Variants in FBXL5 observed in about 807,000 individuals in gnomAD.
The protein encoded by FBXL5 is F-box/LRR-repeat protein 5.
Under a neutral mutation model 78.3 loss-of-function variants are expected in FBXL5, and 26 were observed. The observed-to-expected ratio is 0.33, with a 90% CI of 0.24 to 0.46. FBXL5 has a LOEUF of 0.46. Among genes scored for constraint, FBXL5 ranks in the 20% least tolerant of loss-of-function variants. The probability of loss-of-function intolerance (pLI) is 1.00; values close to 1 mark genes in which losing one functional copy is unlikely to be tolerated. For synonymous variants in FBXL5, 295 were observed against 282.5 expected, an observed-to-expected ratio of 1.04 and a Z score of -0.45; for missense variants, 710 against 829.2, an observed-to-expected ratio of 0.86 and a Z score of 1.77.
intron 1 of FBXL5, among the ~76,000 whole-genome samples, chr4:15,651,305 G>GA (rs755891043): frequency 2.0e-4 from 31 of 151,932 alleles, no homozygotes; most frequent in Middle Eastern, 6.8e-3. Context: ...TTCCGAAGGG[G>GA]AAAAAAAATC....
chr4:15,634,334 A>G (rs1714004081), intron 5 of FBXL5, among the ~76,000 whole-genome samples: 1 of 151,328 alleles, frequency 6.6e-6, no homozygotes, highest in Non-Finnish European at 1.5e-5. Context: ...GATTACAGGC[A>G]TGTGCCACCA....
Position 15,604,491 on chromosome 4 carries a change from A to C in FBXL5, c.*1232T>G, listed in dbSNP as rs571653978. The C allele has an allele frequency of 2.6e-4, 39 of 152,212 alleles. No individual in the cohort carries two copies. The highest frequency in any genetic ancestry group is 3.4e-3 in the Middle Eastern group (1 of 294). 9.4% of individuals were successfully genotyped at this position (152,212 alleles called of 1,614,324 possible). On this transcript the variant is annotated 3_prime_UTR_variant, in exon 11 of 11. Coordinates refer to ENST00000341285, the MANE Select transcript of FBXL5 (RefSeq NM_012161.4). ...AGATCACCACAACAGATTTAATAAT[A>C]GTGAAAAACTATGAAATACTCCAAG... is the stretch of plus-strand genomic sequence containing the variant.
chr4:15,676,291 T>C (rs1184036684), intron 1 of FBXL5, among the ~76,000 whole-genome samples: 1 of 152,202 alleles, frequency 6.6e-6, no homozygotes, highest in Non-Finnish European at 1.5e-5. Flanking sequence ...AACCTGAACC[T>C]AATCAAGCAT....
chr4:15,647,119 A>T (rs1715441905), intron 1 of FBXL5, among the ~76,000 whole-genome samples: 1 of 147,204 alleles, frequency 6.8e-6, no homozygotes, highest in South Asian at 2.2e-4. Context: ...GCTACTCGGG[A>T]GGCTGAGACA....
intron 1 of FBXL5, among the ~76,000 whole-genome samples, chr4:15,647,917 G>A (rs1054468971): frequency 2.6e-5 from 4 of 151,482 alleles, no homozygotes; most frequent in Admixed American, 2.0e-4. Flanking sequence ...GCAGTGGCAT[G>A]ATCATAGCTC....
chr4:15,643,802 T>TG (rs1353078354), intron 2 of FBXL5, among the ~76,000 whole-genome samples: 1 of 152,244 alleles, frequency 6.6e-6, no homozygotes, highest in Admixed American at 6.5e-5. Context: ...CACCATTAAC[T>TG]GGATAGCTTT....
At chr4:15,665,160 G>A (rs967012355) in intron 1 of FBXL5, among the ~76,000 whole-genome samples, 11 of 152,118 alleles carry the variant, frequency 7.2e-5, no homozygotes, top group African/African-American at 2.7e-4. Flanking sequence ...TAGCCATTAT[G>A]AGCTTAGCTG....
At chr4:15,614,318 G>A (rs1711558388) in intron 9 of FBXL5, among the ~76,000 whole-genome samples, 1 of 152,224 alleles carries the variant, frequency 6.6e-6, no homozygotes. Context: ...ATGGGTACCA[G>A]CACCTGCTCC....
At chr4:15,643,760 T>C (rs192014033) in intron 2 of FBXL5, among the ~76,000 whole-genome samples, 120 of 152,350 alleles carry the variant, frequency 7.9e-4, no homozygotes, top group African/African-American at 2.8e-3. Flanking sequence ...TTAAAGTGTT[T>C]ATTCATTCTA....
chr4:15,614,950 G>A (rs542890265), intron 9 of FBXL5, among the ~76,000 whole-genome samples: 147 of 152,250 alleles, frequency 9.7e-4, no homozygotes, highest in Non-Finnish European at 1.7e-3. Flanking sequence ...TGCGTGCGGC[G>A]CTTGCGGGCC....
rs1007555626 is a variant in FBXL5 at position 15,655,355 on chromosome 4, G to A, written c.-68C>T. Reference sequence around the variant, plus strand: ...CTCTCCATAGACACCCTCGCCGCGGGGCAGAGGCGGCGCGCCCCCTTGCGC... The same window carrying A: ...CTCTCCATAGACACCCTCGCCGCGGAGCAGAGGCGGCGCGCCCCCTTGCGC... On this transcript the variant is annotated 5_prime_UTR_variant, in exon 1 of 11. Transcript: ENST00000341285. 85 of 1,195,970 alleles carry A rather than the reference G, an allele frequency of 7.1e-5. No homozygotes were observed. The Admixed American group carries it at 7.4e-4, about 10-fold the overall frequency. The allele number at this position is 1,195,970 out of a possible 1,614,324, so 74.1% of individuals were successfully genotyped here.
chr4:15,625,244 T>C lies in FBXL5; in HGVS notation c.1850+8A>G. The C allele has an allele frequency of 1.3e-6, 2 of 1,586,906 alleles. No individual in the cohort carries two copies. Among genetic ancestry groups the C allele is most frequent in the Middle Eastern group, 3.5e-4 (2 of 5,784 alleles). On this transcript the variant is annotated splice_region_variant and intron_variant, in intron 9 of 10. Transcript: ENST00000341285. Reference sequence around the variant, plus strand: ...CTATTTCTTAATATTCTGGAACTGATAACTCACCTGAGACCATGGTCTGTG... The same window carrying C: ...CTATTTCTTAATATTCTGGAACTGACAACTCACCTGAGACCATGGTCTGTG...
chr4:15,606,439 G>A (rs1227269072), intron 10 of FBXL5, among the ~76,000 whole-genome samples: 2 of 152,064 alleles, frequency 1.3e-5, no homozygotes, highest in African/African-American at 2.4e-5. Context: ...AAAAAAATCT[G>A]TGGAATAACT....
chr4:15,630,533 AAAGT>A, intron 6 of FBXL5, 129 bp downstream of exon 6: 1 of 721,288 alleles, frequency 1.4e-6, no homozygotes, highest in Non-Finnish European at 2.0e-6. Flanking sequence ...CAAATTTTAA[AAAGT>A]AGTAGGCTTA....
intron 1 of FBXL5, among the ~76,000 whole-genome samples, chr4:15,676,560 T>C (rs1040848146): frequency 6.6e-6 from 1 of 152,192 alleles, no homozygotes; most frequent in African/African-American, 2.4e-5. Flanking sequence ...AAAACATTTT[T>C]TGGCAATAAT....
chr4:15,638,811 T>C (rs1365353563), intron 3 of FBXL5, 117 bp from the exon 4 acceptor site: 2 of 626,160 alleles, frequency 3.2e-6, no homozygotes, highest in Non-Finnish European at 5.1e-6. Flanking sequence ...CTCAAAAAGA[T>C]AAAAATTTTA....
chr4:15,640,718 G>A (rs58299617), intron 3 of FBXL5, 70 bp downstream of exon 3: 31 of 774,214 alleles, frequency 4.0e-5, no homozygotes, highest in Non-Finnish European at 4.5e-5. Context: ...TTATTTTGAA[G>A]AGTCTCTAAA....
chr4:15,653,757 T>C (rs922384881), intron 1 of FBXL5, among the ~76,000 whole-genome samples: 1 of 152,200 alleles, frequency 6.6e-6, no homozygotes, highest in Non-Finnish European at 1.5e-5. Context: ...GGATATACCC[T>C]CTTGCTTAAT....
At chr4:15,613,394 C>T (rs1722401019) in intron 9 of FBXL5, among the ~76,000 whole-genome samples, 1 of 152,022 alleles carries the variant, frequency 6.6e-6, no homozygotes, top group South Asian at 2.1e-4. Context: ...ATGGCACACC[C>T]TAGAAGAATA....
Sources: allele counts gnomAD v4.1 joint callset (sites outside exome capture counted in the v4.1 genomes callset), GRCh38; gene constraint gnomAD v4.1.1; transcripts MANE v1.5; gene names NCBI Gene and HGNC (gene_info 2026-07-23, HGNC 2026-07-21).